PTGR1: variants seen among roughly 807,000 people sequenced by gnomAD.
PTGR1 encodes the protein 15-oxoprostaglandin 13-reductase.
Under a neutral mutation model 37.7 loss-of-function variants are expected in PTGR1, and 23 were observed. The observed-to-expected ratio is 0.61, with a 90% CI of 0.44 to 0.86. The LOEUF is 0.86. PTGR1 is among the 40% of genes least tolerant of loss of function. The pLI is 0.00. For missense variants in PTGR1, 351 were observed against 394.3 expected, an observed-to-expected ratio of 0.89 and a Z score of 0.93; for synonymous variants, 134 against 140.0, an observed-to-expected ratio of 0.96 and a Z score of 0.30.
At chr9:111,558,892 CT>C (rs1828197172), downstream of PTGR1, among the ~76,000 whole-genome samples, 1 of 152,170 alleles carries the variant, frequency 6.6e-6, no homozygotes, top group Non-Finnish European at 1.5e-5. Flanking sequence ...CTTCCCTTAT[CT>C]TTAATTTACT....
At chr9:111,549,884 C>T in intron 9 of PTGR1, 1 of 815,178 alleles carries the variant, frequency 1.2e-6, no homozygotes, top group Non-Finnish European at 2.0e-6. Context: ...AATGTTTGGT[C>T]TTCCTCATGT....
intron 9 of PTGR1, among the ~76,000 whole-genome samples, chr9:111,568,694 T>C (rs1470030482): frequency 6.6e-6 from 1 of 152,200 alleles, no homozygotes; most frequent in African/African-American, 2.4e-5. Context: ...GTCCTACTGA[T>C]ATGTGGTGTC....
chr9:111,594,908 G>T (rs1182832655), intron 2 of PTGR1, among the ~76,000 whole-genome samples: 2 of 141,818 alleles, frequency 1.4e-5, no homozygotes, highest in Non-Finnish European at 3.0e-5. Flanking sequence ...AGGCTGGAGT[G>T]CAGTGGCTTG....
chr9:111,576,409 GA>G, intron 7 of PTGR1: 1 of 1,614,124 alleles, frequency 6.2e-7, no homozygotes. Context: ...CTCTGAGGCT[GA>G]ATAAGACCAT....
At chr9:111,597,948 T>C (rs1397950743) in intron 1 of PTGR1, among the ~76,000 whole-genome samples, 1 of 151,038 alleles carries the variant, frequency 6.6e-6, no homozygotes, top group East Asian at 1.9e-4. Context: ...TCAGAACTCC[T>C]GAAAACCACC....
chr9:111,585,124 G>T (rs922299271), intron 5 of PTGR1, among the ~76,000 whole-genome samples: 5 of 152,026 alleles, frequency 3.3e-5, no homozygotes, highest in Non-Finnish European at 5.9e-5. Flanking sequence ...GGGCCCATGA[G>T]AGGCTGGCAT....
chr9:111,586,988 T>C (rs1258001009), intron 4 of PTGR1, among the ~76,000 whole-genome samples: 1 of 152,040 alleles, frequency 6.6e-6, no homozygotes, highest in African/African-American at 2.4e-5. Flanking sequence ...CTAATTTTTG[T>C]ATATTTAGTA....
intron 9 of PTGR1, among the ~76,000 whole-genome samples, chr9:111,556,425 C>T (rs1828123607): frequency 6.6e-6 from 1 of 152,206 alleles, no homozygotes; most frequent in South Asian, 2.1e-4. Flanking sequence ...GTAGGGGGCT[C>T]CATCCCCATG....
At chr9:111,555,426 G>A (rs1001182704) in intron 9 of PTGR1, among the ~76,000 whole-genome samples, 20 of 152,066 alleles carry the variant, frequency 1.3e-4, no homozygotes, top group African/African-American at 4.1e-4. Flanking sequence ...TCAGAAGGCC[G>A]TTGTGCTATT....
downstream of PTGR1, among the ~76,000 whole-genome samples, chr9:111,561,116 G>T (rs1415883290): frequency 0.01 from 483 of 47,142 alleles, 15 homozygotes; most frequent in Non-Finnish European, 0.013. Flanking sequence ...TATATAGAGA[G>T]AGAGAGAGAG....
Position 111,552,947 on chromosome 9 carries a change from C to A in PTGR1, c.880-3148G>T, listed in dbSNP as rs564787423. On this transcript the variant is annotated intron_variant, in intron 9 of 9. Transcript: ENST00000538962. ...TCTAAATACGATAAAGTGATAATTT[C>A]TTCATCTCTCCATCTAAGGTTCTTT... 6.6e-5 allele frequency among the ~76,000 whole-genome samples: 10 copies of A among 152,164 alleles called. No individual in the cohort carries two copies. In the East Asian group the frequency reaches 1.9e-3, roughly 29 times the overall value.
Position 111,551,700 on chromosome 9 carries a change from C to T in PTGR1, c.880-1901G>A, listed in dbSNP as rs1205860262. On this transcript the variant is annotated intron_variant, in intron 9 of 9. Coordinates refer to the PTGR1 transcript ENST00000538962. ...TACAGGTGTGAACCGCCACACACAACCCCAATTTTTGTTTAAAATTTGCAT... is the reference window on the plus strand; with the variant it reads ...TACAGGTGTGAACCGCCACACACAATCCCAATTTTTGTTTAAAATTTGCAT... Among the ~76,000 whole-genome samples, 6 of 152,106 alleles carry T rather than the reference C, an allele frequency of 3.9e-5. No homozygotes were observed. The East Asian group carries it at 9.6e-4, about 24-fold the overall frequency.
chr9:111,596,926 C>CAAAAA (rs71494900), intron 2 of PTGR1, among the ~76,000 whole-genome samples: 97 of 90,618 alleles, frequency 1.1e-3, no homozygotes, highest in African/African-American at 2.4e-3. Context: ...GACTCTGTCT[C>CAAAAA]AAAAAAAAAA....
At chr9:111,597,634 C>T (rs935596859) in intron 1 of PTGR1, among the ~76,000 whole-genome samples, 9 of 152,202 alleles carry the variant, frequency 5.9e-5, no homozygotes, top group Non-Finnish European at 1.2e-4. Flanking sequence ...CTCATTTTAT[C>T]CTTATAACTT....
At chr9:111,564,358 T>A (rs1359913789) in intron 9 of PTGR1, 2 of 443,762 alleles carry the variant, frequency 4.5e-6, no homozygotes, top group African/African-American at 4.3e-5. Flanking sequence ...TAGGTTTGAG[T>A]GCAGTGGCAC....
intron 2 of PTGR1, among the ~76,000 whole-genome samples, chr9:111,595,543 G>C (rs965605887): frequency 7.9e-5 from 12 of 152,156 alleles, no homozygotes; most frequent in African/African-American, 2.9e-4. Context: ...TCATAGCTTA[G>C]ATGGGACTGA....
chr9:111,598,140 A>C (rs1390111559), intron 1 of PTGR1, among the ~76,000 whole-genome samples: 1 of 151,886 alleles, frequency 6.6e-6, no homozygotes, highest in Admixed American at 6.6e-5. Context: ...TCGGGTGCGA[A>C]TTTTCTTTGG....
intron 4 of PTGR1, among the ~76,000 whole-genome samples, chr9:111,589,618 T>C (rs749824840): frequency 9.2e-5 from 14 of 151,514 alleles, no homozygotes; most frequent in Admixed American, 2.0e-4. Context: ...AAAATTAAAG[T>C]ATAAAATACA....
At chr9:111,561,500 A>G (rs1828321296), downstream of PTGR1, among the ~76,000 whole-genome samples, 1 of 152,102 alleles carries the variant, frequency 6.6e-6, no homozygotes, top group African/African-American at 2.4e-5. Flanking sequence ...CCTGGACTCA[A>G]ATGATCTCAC....
Sources: allele counts gnomAD v4.1 joint callset (sites outside exome capture counted in the v4.1 genomes callset), GRCh38; gene constraint gnomAD v4.1.1; transcripts MANE v1.5; gene names NCBI Gene and HGNC (gene_info 2026-07-23, HGNC 2026-07-21).